The following EPHA5 variants were observed in gnomAD, a reference collection of about 807,000 sequenced individuals.
The protein encoded by EPHA5 is EPH receptor A5.
Under a neutral mutation model 105.0 loss-of-function variants are expected in EPHA5, and 60 were observed. The ratio of observed to expected loss-of-function variants is 0.57; its 90% confidence interval spans 0.46 to 0.71. EPHA5 has a LOEUF of 0.71. EPHA5 is among the 30% of genes least tolerant of loss of function. The pLI is 0.00. For synonymous variants in EPHA5, 513 were observed against 449.1 expected (o/e 1.14, Z -1.80); for missense variants, 1,218 against 1,274.7 (o/e 0.96, Z 0.68).
intron 7 of EPHA5, among the ~76,000 whole-genome samples, chr4:65,410,067 C>T (rs1484704375): frequency 6.6e-6 from 1 of 151,982 alleles, no homozygotes; most frequent in African/African-American, 2.4e-5. Context: ...GAAATTCATC[C>T]TAGGGAAATA....
rs564432863 is a variant in EPHA5, at chr4:65,666,503, G to A, written c.181+3059C>T. Among the ~76,000 whole-genome samples, 3 of 152,286 alleles carry A rather than the reference G, an allele frequency of 2.0e-5. 1 individual carries two copies. In the South Asian group the frequency reaches 6.2e-4, roughly 32 times the overall value. On this transcript the variant is annotated intron_variant, in intron 1 of 16. Coordinates refer to ENST00000613740, the MANE Select transcript of EPHA5 (RefSeq NM_001281766.3). Reference sequence around the variant, plus strand: ...CTCCAAAATTCATAGCAGTGGACATGAACCCTTTACTTACTAAATTTATTT... The same window carrying A: ...CTCCAAAATTCATAGCAGTGGACATAAACCCTTTACTTACTAAATTTATTT...
chr4:65,427,184 T>TC (rs1491093271), intron 5 of EPHA5, among the ~76,000 whole-genome samples: 4 of 63,900 alleles, frequency 6.3e-5, no homozygotes, highest in African/African-American at 1.7e-4. Context: ...TCGAGTGTAT[T>TC]CTTTTTTTTT....
intron 5 of EPHA5, among the ~76,000 whole-genome samples, chr4:65,473,396 A>C (rs1418828701): frequency 6.6e-6 from 1 of 152,140 alleles, no homozygotes; most frequent in East Asian, 1.9e-4. Context: ...ATACTACCCA[A>C]GAGTGGGTAA....
chr4:65,430,579 A>G (rs551773158), intron 5 of EPHA5, among the ~76,000 whole-genome samples: 233 of 152,198 alleles, frequency 1.5e-3, no homozygotes, highest in African/African-American at 5.3e-3. Context: ...CTTTATATAC[A>G]TTAACTCATT....
intron 16 of EPHA5, among the ~76,000 whole-genome samples, chr4:65,328,410 T>C (rs754620931): frequency 1.3e-5 from 2 of 151,294 alleles, no homozygotes; most frequent in African/African-American, 2.4e-5. Context: ...AAGTATATAG[T>C]TGATGTTGGA....
At position 65,561,116 on chromosome 4, in the gene EPHA5, G is replaced by A. The variant is rs927019726; in HGVS notation, c.910+40525C>T. 2.6e-5 allele frequency among the ~76,000 whole-genome samples: 4 copies of A among 151,828 alleles called. No homozygotes were observed. The South Asian group carries it at 8.3e-4, about 32-fold the overall frequency. ...TTTCTATCCCCGATAGGCTAGAAAGGTTTGACATGATGGAAAAAAAATTTC... is the reference window on the plus strand; with the variant it reads ...TTTCTATCCCCGATAGGCTAGAAAGATTTGACATGATGGAAAAAAAATTTC... On this transcript the variant is annotated intron_variant, in intron 3 of 16. Transcript: ENST00000613740.
At chr4:65,541,398 G>T (rs753822126) in intron 3 of EPHA5, among the ~76,000 whole-genome samples, 14 of 151,862 alleles carry the variant, frequency 9.2e-5, no homozygotes, top group Admixed American at 7.2e-4. Flanking sequence ...ATAAAGGGTG[G>T]AGGAAAATTT....
chr4:65,335,553 T>C (rs1721091806), intron 15 of EPHA5, among the ~76,000 whole-genome samples: 1 of 152,064 alleles, frequency 6.6e-6, no homozygotes. Flanking sequence ...TAGATATCTC[T>C]GGTTTAAAAT....
intron 2 of EPHA5, among the ~76,000 whole-genome samples, chr4:65,624,156 T>A (rs1745937422): frequency 6.6e-6 from 1 of 152,092 alleles, no homozygotes; most frequent in Admixed American, 6.5e-5. Flanking sequence ...AAACCAATAC[T>A]TATTTATATT....
intron 3 of EPHA5, among the ~76,000 whole-genome samples, chr4:65,525,737 C>G (rs753222927): frequency 1.3e-5 from 2 of 151,850 alleles, no homozygotes; most frequent in Non-Finnish European, 2.9e-5. Flanking sequence ...CATGAATAAA[C>G]CATGAATGTA....
chr4:65,447,503 T>C (rs933311753), intron 5 of EPHA5, among the ~76,000 whole-genome samples: 3 of 150,496 alleles, frequency 2.0e-5, no homozygotes, highest in Non-Finnish European at 4.4e-5. Flanking sequence ...ATAATATATA[T>C]ATTTTTTCCT....
At chr4:65,394,576 G>T (rs1261827653) in intron 8 of EPHA5, among the ~76,000 whole-genome samples, 1 of 152,168 alleles carries the variant, frequency 6.6e-6, no homozygotes, top group Non-Finnish European at 1.5e-5. Context: ...TCAATTGAGA[G>T]AACAAGATTG....
chr4:65,463,697 C>T (rs1728336209), intron 5 of EPHA5, among the ~76,000 whole-genome samples: 3 of 152,060 alleles, frequency 2.0e-5, no homozygotes, highest in Admixed American at 2.0e-4. Flanking sequence ...AAAATATTGT[C>T]TACAAGGTGA....
intron 5 of EPHA5, among the ~76,000 whole-genome samples, chr4:65,476,673 C>A (rs1457833058): frequency 6.6e-6 from 1 of 152,002 alleles, no homozygotes; most frequent in East Asian, 1.9e-4. Context: ...GTATCCCAAA[C>A]CTCAGCCTCA....
intron 5 of EPHA5, among the ~76,000 whole-genome samples, chr4:65,466,374 G>A (rs538839792): frequency 6.6e-5 from 10 of 152,354 alleles, no homozygotes; most frequent in Admixed American, 2.6e-4. Flanking sequence ...GAGTGAGAAA[G>A]CATTGGGAGA....
chr4:65,508,291 C>T (rs916836672), intron 3 of EPHA5, among the ~76,000 whole-genome samples: 3 of 152,052 alleles, frequency 2.0e-5, no homozygotes, highest in African/African-American at 4.8e-5. Context: ...CATGTCTATA[C>T]GGTCATAAAA....
intron 3 of EPHA5, among the ~76,000 whole-genome samples, chr4:65,540,878 A>AC (rs71205381): frequency 0.055 from 8,055 of 146,094 alleles, 270 homozygotes; most frequent in East Asian, 0.13. Context: ...AAAAAAAAAA[A>AC]CAAAAATCAT....
At chr4:65,519,999 A>G (rs1007575530) in intron 3 of EPHA5, among the ~76,000 whole-genome samples, 1 of 152,196 alleles carries the variant, frequency 6.6e-6, no homozygotes, top group Admixed American at 6.6e-5. Context: ...GCTACCAATG[A>G]CTTTCTTCAC....
Position 65,499,861 on chromosome 4 carries a change from C to A in EPHA5, c.911-4318G>T, listed in dbSNP as rs147997866. On this transcript the variant is annotated intron_variant, in intron 3 of 16. Transcript: ENST00000613740. ...TTTTTTTGAAAAAGCTTGTAGTCCA[C>A]GATAAGAGATTTGAATTTAATCTGA... Among the ~76,000 whole-genome samples, 424 of 149,298 alleles carry A rather than the reference C, an allele frequency of 2.8e-3. 2 individuals are homozygous for A. Among genetic ancestry groups the A allele is most frequent in the African/African-American group, 9.9e-3 (405 of 40,750 alleles).
Sources: gnomAD v4.1 joint callset for allele counts (sites outside exome capture counted in the v4.1 genomes callset) on GRCh38, gnomAD v4.1.1 for gene constraint, MANE v1.5 for transcripts, NCBI Gene and HGNC (gene_info 2026-07-23, HGNC 2026-07-21) for gene names.